SNTG2: variants seen among roughly 807,000 people sequenced by gnomAD.
The protein encoded by SNTG2 is syntrophin gamma 2.
In SNTG2, 74 loss-of-function variants were observed where a neutral mutation model predicts 70.9. The observed-to-expected ratio is 1.04, with a 90% confidence interval of 0.86 to 1.27. The LOEUF is 1.27. Among genes scored for constraint, SNTG2 ranks in the 50% most tolerant of loss-of-function variants. The pLI, the probability that SNTG2 is intolerant of heterozygous loss-of-function variation, is 0.00. For missense variants in SNTG2, 717 were observed against 690.7 expected, an observed-to-expected ratio of 1.04 and a Z score of -0.43; for synonymous variants, 278 against 273.8, an observed-to-expected ratio of 1.02 and a Z score of -0.15.
chr2:1,168,071 A>C lies in SNTG2; in HGVS notation c.499+2436A>C, dbSNP rs1298088696. Among the ~76,000 whole-genome samples, 21 of 138,190 alleles carry C rather than the reference A, an allele frequency of 1.5e-4. 1 individual carries two copies. The highest frequency in any genetic ancestry group is 2.9e-4 in the African/African-American group (10 of 34,812). 90.7% of individuals were successfully genotyped at this position (138,190 alleles called of 152,430 possible). A position where few individuals can be genotyped will look rare whatever the true frequency, so the allele number is the denominator to read the frequency against. ...AACCTACAGGCCGCCCACAGACGGC[A>C]GAACTGAAACCTACAGGCCGCCCAC... On this transcript the variant is annotated intron_variant, in intron 7 of 16. Coordinates refer to ENST00000308624, the MANE Select transcript of SNTG2 (RefSeq NM_018968.4).
rs187835163 is a variant in SNTG2 at position 1,014,502 on chromosome 2, G to A, written c.72+63434G>A. Among the ~76,000 whole-genome samples, 383 of 80,322 alleles carry A rather than the reference G, an allele frequency of 4.8e-3. 52 individuals are homozygous for A. Among genetic ancestry groups the A allele is most frequent in the Admixed American group, 7.3e-3 (57 of 7,794 alleles). The allele number at this position is 80,322 out of a possible 152,430, so 52.7% of individuals were successfully genotyped here. A position where few individuals can be genotyped will look rare whatever the true frequency, so the allele number is the denominator to read the frequency against. ...GACAGAGAGAAGGGTGGTCTGGAGA[G>A]GGATTTATATGGGCAGAAAGAAGGG... On this transcript the variant is annotated intron_variant, in intron 1 of 16. Transcript: ENST00000308624.
chr2:1,172,960 G>A, intron 7 of SNTG2, 132 bp from the exon 8 acceptor site: 1 of 757,896 alleles, frequency 1.3e-6, no homozygotes, highest in East Asian at 2.5e-5. Context: ...GGATGACCCA[G>A]CCCATAACTG....
rs114540812 is a variant in SNTG2, at chr2:1,255,630, C to T, written c.1006-3740C>T. Among the ~76,000 whole-genome samples, 482 of 151,840 alleles carry T rather than the reference C, an allele frequency of 3.2e-3. 4 individuals are homozygous for T. Among genetic ancestry groups the T allele is most frequent in the African/African-American group, 0.01 (421 of 41,404 alleles). Reference sequence around the variant, plus strand: ...TTGGATGGGGCGCAGGAATCTGCATCGGCAGGTGACGCCTGGCCACACTCA... The same window carrying T: ...TTGGATGGGGCGCAGGAATCTGCATTGGCAGGTGACGCCTGGCCACACTCA... On this transcript the variant is annotated intron_variant, in intron 12 of 16. Transcript: ENST00000308624.
intron 1 of SNTG2, among the ~76,000 whole-genome samples, chr2:997,620 C>T (rs890792852): frequency 1.3e-5 from 2 of 152,140 alleles, no homozygotes; most frequent in African/African-American, 4.8e-5. Flanking sequence ...AGATTGAGAC[C>T]TCCCCATCAC....
intron 13 of SNTG2, among the ~76,000 whole-genome samples, chr2:1,265,160 G>T (rs2148179090): frequency 6.6e-6 from 1 of 152,300 alleles, no homozygotes; most frequent in Middle Eastern, 3.4e-3. Context: ...AGTGGATAAA[G>T]AGATACTTTC....
intron 1 of SNTG2, among the ~76,000 whole-genome samples, chr2:1,043,307 C>T (rs532971855): frequency 1.3e-5 from 2 of 152,124 alleles, no homozygotes; most frequent in African/African-American, 4.8e-5. Context: ...CCTATGGATT[C>T]TGGATATTAT....
intron 6 of SNTG2, chr2:1,160,984 G>A (rs1398922437): frequency 1.3e-5 from 2 of 152,234 alleles, no homozygotes; most frequent in Non-Finnish European, 2.9e-5. Context: ...TCATTTCATA[G>A]TTGACTCCTT....
At position 1,173,125 on chromosome 2, in the gene SNTG2, G is replaced by C. The variant is rs367839977; in HGVS notation, c.533G>C (p.Gly178Ala). The change falls in exon 8 of 17, where the codon GGG becomes GCG. Residue 178 changes from glycine to alanine, a missense_variant. Physicochemically the swap from Gly to Ala is moderately conservative, Grantham distance 60. Transcript: ENST00000308624. ...SPGPSSDHSS[G>A]ASSPLFDSGL... ...GGGCCATCCAGCGACCACAGCAGTG[G>C]GGCCTCCTCTCCCCTCTTTGACAGC... 2.5e-5 allele frequency: 41 copies of C among 1,613,826 alleles called. No individual in the cohort carries two copies. The highest frequency in any genetic ancestry group is 3.4e-5 in the Non-Finnish European group (40 of 1,179,894).
chr2:1,213,333 G>A (rs1674168043), intron 9 of SNTG2, among the ~76,000 whole-genome samples: 1 of 152,120 alleles, frequency 6.6e-6, no homozygotes, highest in African/African-American at 2.4e-5. Flanking sequence ...GTGAAAAGAT[G>A]TATAAAGAAA....
chr2:1,129,373 G>A (rs80197633), intron 4 of SNTG2, among the ~76,000 whole-genome samples: 1,642 of 152,282 alleles, frequency 0.011, 29 homozygotes, highest in African/African-American at 0.038. Flanking sequence ...GTCCATTATG[G>A]TACATCGTTT....
intron 1 of SNTG2, among the ~76,000 whole-genome samples, chr2:987,777 G>T (rs558179757): frequency 5.4e-4 from 82 of 152,132 alleles, no homozygotes; most frequent in Non-Finnish European, 1.0e-3. Context: ...TGGGGCCTCC[G>T]CAGATGAAGG....
At chr2:1,185,861 C>T (rs1370432066) in intron 8 of SNTG2, among the ~76,000 whole-genome samples, 1 of 152,206 alleles carries the variant, frequency 6.6e-6, no homozygotes, top group African/African-American at 2.4e-5. Context: ...CTCCTCTTTA[C>T]TTATGTAAAT....
chr2:1,223,957 G>A (rs547265846), intron 9 of SNTG2, among the ~76,000 whole-genome samples: 1 of 152,136 alleles, frequency 6.6e-6, no homozygotes, highest in Non-Finnish European at 1.5e-5. Context: ...GTGGCCTTAT[G>A]CAGCAGGCAT....
In SNTG2 at chr2:951,012, C is replaced by G; in HGVS notation, c.16C>G (p.Pro6Ala). 2.4e-6 allele frequency: 3 copies of G among 1,262,358 alleles called. No homozygotes were observed. The highest frequency in any genetic ancestry group is 3.0e-6 in the Non-Finnish European group (3 of 1,006,670). The allele number at this position is 1,262,358 out of a possible 1,614,324, so 78.2% of individuals were successfully genotyped here. Residue 6 changes from proline to alanine, a missense_variant, in exon 1 of 17, where the codon CCC (proline) becomes GCC (alanine). Transcript: ENST00000308624. ...AGGGGCGGCGATGGGCACCGAGGGACCCCCGCCCCCGGCCGCCTCCCGCGG... is the reference window on the plus strand; with the variant it reads ...AGGGGCGGCGATGGGCACCGAGGGAGCCCCGCCCCCGGCCGCCTCCCGCGG... The part of the protein sequence containing the change: MGTEG[P>A]PPPAASRGRQ...
chr2:1,121,309 C>T (rs1339293429), intron 4 of SNTG2, among the ~76,000 whole-genome samples: 1 of 151,634 alleles, frequency 6.6e-6, no homozygotes, highest in Non-Finnish European at 1.5e-5. Context: ...AAACAAAGAT[C>T]CTAAATAGCC....
chr2:1,274,022 G>A (rs1423526927), intron 14 of SNTG2, among the ~76,000 whole-genome samples: 1 of 152,202 alleles, frequency 6.6e-6, no homozygotes, highest in Non-Finnish European at 1.5e-5. Flanking sequence ...ATTTCTAGAT[G>A]GGAAATAGGT....
chr2:976,454 C>A (rs143925139), intron 1 of SNTG2, among the ~76,000 whole-genome samples: 27 of 152,256 alleles, frequency 1.8e-4, no homozygotes, highest in Non-Finnish European at 3.5e-4. Context: ...TGGAAGCCAG[C>A]GATTGTTCTT....
At chr2:1,220,489 C>G (rs1026994501) in intron 9 of SNTG2, among the ~76,000 whole-genome samples, 3 of 152,174 alleles carry the variant, frequency 2.0e-5, no homozygotes, top group Non-Finnish European at 4.4e-5. Flanking sequence ...TGCCTCATGT[C>G]CCTGGAGAGC....
chr2:1,057,245 C>A (rs1572327038), intron 1 of SNTG2, among the ~76,000 whole-genome samples: 1 of 152,022 alleles, frequency 6.6e-6, no homozygotes, highest in South Asian at 2.1e-4. Context: ...TGTAATTATA[C>A]CTCATCAACT....
Sources: allele counts gnomAD v4.1 joint callset (sites outside exome capture counted in the v4.1 genomes callset), GRCh38; gene constraint gnomAD v4.1.1; transcripts MANE v1.5; gene names NCBI Gene and HGNC (gene_info 2026-07-23, HGNC 2026-07-21).